The following TEX264 variants were observed in gnomAD, a reference collection of about 807,000 sequenced individuals.
The protein encoded by TEX264 is testis expressed 264, ER-phagy receptor.
In TEX264, 13 loss-of-function variants were observed where a neutral mutation model predicts 23.4. The observed-to-expected ratio is 0.56, with a 90% CI of 0.36 to 0.88. The LOEUF (loss-of-function observed/expected upper bound fraction) is 0.88, where lower values mean the gene tolerates loss of function less well. Ranked by LOEUF, TEX264 falls within the 40% of genes least tolerant of loss-of-function variation. TEX264 has a pLI of 0.01. For synonymous variants in TEX264, 159 were observed against 170.0 expected, an observed-to-expected ratio of 0.94 and a Z score of 0.50; for missense variants, 340 against 406.8, an observed-to-expected ratio of 0.84 and a Z score of 1.41.
At chr3:51,679,615 A>G (rs1044066870) in intron 2 of TEX264, among the ~76,000 whole-genome samples, 1 of 152,194 alleles carries the variant, frequency 6.6e-6, no homozygotes, top group Admixed American at 6.5e-5. Context: ...CCTTGGGAAC[A>G]GGGTTGAAAA....
intron 1 of TEX264, chr3:51,672,530 A>G (rs529275630): frequency 5.9e-5 from 9 of 152,362 alleles, no homozygotes; most frequent in African/African-American, 2.2e-4. Flanking sequence ...TGTCATTCCC[A>G]AGGCAAGTGG....
rs1329843369 is a variant in TEX264, at chr3:51,691,445, A to G, written c.480+6811A>G. 6.6e-6 allele frequency among the ~76,000 whole-genome samples: 1 copy of G among 152,186 alleles called. No individual in the cohort carries two copies. The highest frequency in any genetic ancestry group is 1.5e-5 in the Non-Finnish European group (1 of 68,024). On this transcript the variant is annotated intron_variant, in intron 3 of 4. Transcript: ENST00000341333. The surrounding 1 kb of genome is among the most constrained non-coding windows in gnomAD (Gnocchi z 4.4). ...CTTTCCTCTTCCACCTCCTCCAGCC[A>G]CAGAGCCTAGCCATGCCTGGGTGTG...
Position 51,674,465 on chromosome 3 carries a change from T to C in TEX264, c.161T>C (p.Met54Thr), listed in dbSNP as rs755357788. Reference sequence around the variant, plus strand: ...GTCACTGTGGCCTACAAGTTCCACATGGGGCTCTATGGTGAGACTGGGCGG... The same window carrying C: ...GTCACTGTGGCCTACAAGTTCCACACGGGGCTCTATGGTGAGACTGGGCGG... ...RNVTVAYKFH[M>T]GLYGETGRLF... The change falls in exon 2 of 5, where the codon ATG (methionine) becomes ACG (threonine). Residue 54 changes from methionine to threonine, a missense_variant. Coordinates refer to ENST00000341333, the MANE Select transcript of TEX264 (RefSeq NM_015926.6). The C allele has an allele frequency of 4.3e-6, 7 of 1,614,058 alleles. No individual in the cohort carries two copies. Among genetic ancestry groups the C allele is most frequent in the Non-Finnish European group, 5.9e-6 (7 of 1,180,038 alleles).
chr3:51,688,516 G>A (rs947075226), intron 3 of TEX264, among the ~76,000 whole-genome samples: 3 of 152,158 alleles, frequency 2.0e-5, no homozygotes, highest in Non-Finnish European at 4.4e-5. Context: ...TCCCAGACCC[G>A]TCCAGAATCT....
chr3:51,699,061 G>T (rs545159414), intron 3 of TEX264, among the ~76,000 whole-genome samples: 5 of 152,268 alleles, frequency 3.3e-5, no homozygotes, highest in African/African-American at 1.2e-4. Flanking sequence ...TGGTCCAGGG[G>T]TGCCAAGCTT....
At chr3:51,694,142 T>A (rs569090312) in intron 3 of TEX264, among the ~76,000 whole-genome samples, 6 of 148,680 alleles carry the variant, frequency 4.0e-5, no homozygotes, top group Admixed American at 4.0e-4. Context: ...CTTCCTTCCT[T>A]CTTTCCTTCT....
At chr3:51,672,634 G>T (rs1304106216) in intron 1 of TEX264, among the ~76,000 whole-genome samples, 1 of 152,176 alleles carries the variant, frequency 6.6e-6, no homozygotes, top group Non-Finnish European at 1.5e-5. Flanking sequence ...TCACCAGAGA[G>T]GAGAGAGAAA....
chr3:51,689,291 G>C (rs575658609), intron 3 of TEX264, among the ~76,000 whole-genome samples: 1 of 151,794 alleles, frequency 6.6e-6, no homozygotes, highest in African/African-American at 2.4e-5. Flanking sequence ...TTAGCTGGGC[G>C]TGGTGGCGTG....
rs562687151 is a variant in TEX264 at position 51,691,904 on chromosome 3, G to A, written c.480+7270G>A. Among the ~76,000 whole-genome samples the A allele has an allele frequency of 2.6e-5, 4 of 152,322 alleles. No individual in the cohort carries two copies. Among genetic ancestry groups the A allele is most frequent in the South Asian group, 2.1e-4 (1 of 4,826 alleles). ...AGAGGCGATCCTCCCACCATACCAC[G>A]GCTTGGCTTCCCCGGCTCCCCTTAG... On this transcript the variant is annotated intron_variant, in intron 3 of 4. Coordinates refer to ENST00000341333, the MANE Select transcript of TEX264 (RefSeq NM_015926.6). The surrounding 1 kb of genome is among the most constrained non-coding windows in gnomAD (Gnocchi z 4.4).
Position 51,703,774 on chromosome 3 carries a change from G to A in TEX264, c.700G>A (p.Gly234Ser). 1 of 1,607,824 alleles carries A rather than the reference G, an allele frequency of 6.2e-7. No homozygotes were observed. Among genetic ancestry groups the A allele is most frequent in the Non-Finnish European group, 8.5e-7 (1 of 1,175,206 alleles). The change falls in exon 5 of 5, where the codon GGC (glycine) becomes AGC (serine). Residue 234 changes from glycine (G) to serine (S), a missense_variant. Gly to Ser is a moderately conservative substitution (Grantham distance 56, BLOSUM62 0). Transcript: ENST00000341333. This position sits in a 1 kb window ranked among gnomAD's most constrained non-coding sequence, Gnocchi z 4.8. ...TSSVSLEVSP[G>S]SRETSAATLS... ...TTCTGTAAGCTTGGAAGTGAGCCCT[G>A]GCAGCCGGGAGACTTCAGCTGCCAC...
rs1179470171 is a variant in TEX264, at chr3:51,703,205, G to A, written c.650-519G>A. ...GACTCCCTGGATGCTGCTCCTGGGA[G>A]CCCTGCACGGGGGAGGGCTGCAGAG... On this transcript the variant is annotated intron_variant, in intron 4 of 4. Transcript: ENST00000341333. This position sits in a 1 kb window ranked among gnomAD's most constrained non-coding sequence, Gnocchi z 4.8. 1.3e-5 allele frequency among the ~76,000 whole-genome samples: 2 copies of A among 152,250 alleles called. No individual in the cohort carries two copies. Among genetic ancestry groups the A allele is most frequent in the African/African-American group, 4.8e-5 (2 of 41,470 alleles).
At chr3:51,675,828 A>G (rs1437019113) in intron 2 of TEX264, among the ~76,000 whole-genome samples, 1 of 152,172 alleles carries the variant, frequency 6.6e-6, no homozygotes. Context: ...TGGTTAGTAG[A>G]CATGTCTTGG....
intron 3 of TEX264, among the ~76,000 whole-genome samples, chr3:51,693,488 T>G (rs1260657598): frequency 6.7e-6 from 1 of 149,854 alleles, no homozygotes; most frequent in Non-Finnish European, 1.5e-5. Context: ...TTTTTTTTTT[T>G]TTTTTTTTTG....
chr3:51,687,879 T>C (rs2106959204), intron 3 of TEX264, among the ~76,000 whole-genome samples: 1 of 152,326 alleles, frequency 6.6e-6, no homozygotes, highest in East Asian at 1.9e-4. Flanking sequence ...GAGAAGCACT[T>C]GTCAGGACTC....
intron 3 of TEX264, 35 bp downstream of exon 3, chr3:51,684,669 C>T (rs1488244751): frequency 1.2e-6 from 2 of 1,603,578 alleles, no homozygotes; most frequent in South Asian, 1.1e-5. Context: ...GTGTTGGGGA[C>T]AGCCAGGCCC....
At chr3:51,680,603 C>A (rs1469574492) in intron 2 of TEX264, among the ~76,000 whole-genome samples, 1 of 152,206 alleles carries the variant, frequency 6.6e-6, no homozygotes, top group Admixed American at 6.5e-5. Context: ...TGTCTTTACC[C>A]CGAGTGGTGG....
rs1703445706 is a variant in TEX264 at position 51,704,285 on chromosome 3, A to G, written c.*269A>G. 1 of 341,618 alleles carries G rather than the reference A, an allele frequency of 2.9e-6. No individual in the cohort carries two copies. Among genetic ancestry groups the G allele is most frequent in the Non-Finnish European group, 5.3e-6 (1 of 189,978 alleles). 21.2% of individuals were successfully genotyped at this position (341,618 alleles called of 1,614,324 possible). ...TCAGACTCACAGTGGAGCTTCCAGG[A>G]CCCAGAATAAAGCCAATGATTTACT... On this transcript the variant is annotated 3_prime_UTR_variant, in exon 5 of 5. Transcript: ENST00000341333.
Position 51,684,445 on chromosome 3 carries a change from C to T in TEX264, c.291C>T (p.Gly97=). The T allele has an allele frequency of 6.2e-7, 1 of 1,614,204 alleles. No homozygotes were observed. Among genetic ancestry groups the T allele is most frequent in the Non-Finnish European group, 8.5e-7 (1 of 1,180,046 alleles). Residue 97 remains glycine (G), a synonymous_variant, in exon 3 of 5, where the codon GGC becomes GGT. Coordinates refer to ENST00000341333, the MANE Select transcript of TEX264 (RefSeq NM_015926.6). ...CTGATAAGTGCCGATGTGCCGTGGG[C>T]AGCATCCTGAGTGAAGGTGAGGAAT... ...VPPDKCRCAV[G]SILSEGEESP... is the part of the protein sequence containing the mutation.
chr3:51,696,398 G>A (rs938794971), intron 3 of TEX264, among the ~76,000 whole-genome samples: 3 of 152,168 alleles, frequency 2.0e-5, no homozygotes, highest in South Asian at 2.1e-4. Flanking sequence ...AGCTGGCCTC[G>A]CCTTCCTCCA....
Sources: gnomAD v4.1 joint callset for allele counts (sites outside exome capture counted in the v4.1 genomes callset) on GRCh38, gnomAD v4.1.1 for gene constraint, Gnocchi (gnomAD v3.1) non-coding constraint, MANE v1.5 for transcripts, NCBI Gene and HGNC (gene_info 2026-07-23, HGNC 2026-07-21) for gene names.